The following INPP5A variants were observed in gnomAD, a reference collection of about 807,000 sequenced individuals.
INPP5A encodes 43 kDa inositol polyphosphate 5-phophatase.
INPP5A carries 14 observed loss-of-function variants against 65.2 expected under a neutral mutation model. The ratio of observed to expected loss-of-function variants is 0.21; its 90% CI spans 0.14 to 0.34. The LOEUF (loss-of-function observed/expected upper bound fraction) is 0.34. INPP5A is among the 10% of genes least tolerant of loss of function. The pLI is 1.00. For synonymous variants in INPP5A, 207 were observed against 208.3 expected (o/e 0.99, Z 0.05); for missense variants, 431 against 545.6 (o/e 0.79, Z 2.09).
At chr10:132,660,046 C>T (rs1447101446) in intron 4 of INPP5A, among the ~76,000 whole-genome samples, 1 of 152,202 alleles carries the variant, frequency 6.6e-6, no homozygotes, top group South Asian at 2.1e-4. Context: ...GCTCCGCCGA[C>T]GCGTGGCCCA....
chr10:132,617,135 G>A lies in INPP5A; in HGVS notation c.117+9179G>A, dbSNP rs2072046669. 2.6e-5 allele frequency among the ~76,000 whole-genome samples: 4 copies of A among 152,164 alleles called. No homozygotes were observed. The South Asian group carries it at 8.3e-4, about 31-fold the overall frequency. On this transcript the variant is annotated intron_variant, in intron 2 of 15. Transcript: ENST00000368594. ...CTCAAACACCGCGCCCTGGTTGGTG[G>A]CTGTATTGATTCTTGGTCTCCCAGT...
chr10:132,645,821 C>G, intron 2 of INPP5A, 47 bp from the exon 3 acceptor site: 1 of 1,449,528 alleles, frequency 6.9e-7, no homozygotes, highest in Non-Finnish European at 9.6e-7. Flanking sequence ...ACGTGTGGCT[C>G]TGTGGACGGC....
chr10:132,554,867 T>C (rs73395339), intron 1 of INPP5A, among the ~76,000 whole-genome samples: 4,688 of 126,834 alleles, frequency 0.037, 100 homozygotes, highest in African/African-American at 0.075. Context: ...ATGTGGGTGG[T>C]GTGGTTGGCA....
In INPP5A at chr10:132,782,189, C is replaced by A; in HGVS notation, c.*160C>A. The A allele has an allele frequency of 8.8e-7, 1 of 1,136,582 alleles. No homozygotes were observed. Among genetic ancestry groups the A allele is most frequent in the Non-Finnish European group, 1.3e-6 (1 of 788,902 alleles). 70.4% of individuals were successfully genotyped at this position (1,136,582 alleles called of 1,614,324 possible). A position where few individuals can be genotyped will look rare whatever the true frequency, so the allele number is the denominator to read the frequency against. Reference sequence around the variant, plus strand: ...CTTCGCTTCAGCCTCCGGACCATTCCGGAGCAGCCTCACATACCTCACTGT... The same window carrying A: ...CTTCGCTTCAGCCTCCGGACCATTCAGGAGCAGCCTCACATACCTCACTGT... On this transcript the variant is annotated 3_prime_UTR_variant, in exon 16 of 16. Coordinates refer to ENST00000368594, the MANE Select transcript of INPP5A (RefSeq NM_005539.5). This position sits in a 1 kb window ranked among gnomAD's most constrained non-coding sequence, Gnocchi z 4.4.
At chr10:132,672,718 G>A (rs1225932697) in intron 4 of INPP5A, among the ~76,000 whole-genome samples, 1 of 152,170 alleles carries the variant, frequency 6.6e-6, no homozygotes, top group South Asian at 2.1e-4. Flanking sequence ...TTGGAAAAAC[G>A]TGATTTCTCA....
Position 132,634,393 on chromosome 10 carries a change from A to G in INPP5A, c.118-11475A>G, listed in dbSNP as rs139288554. On this transcript the variant is annotated intron_variant, in intron 2 of 15. Coordinates refer to ENST00000368594, the MANE Select transcript of INPP5A (RefSeq NM_005539.5). ...CTTGGTGGGTGTGCCCCAGAGAGGC[A>G]TGTCATCTCCCTTGGGTGTGCCCCG... Among the ~76,000 whole-genome samples the G allele has an allele frequency of 5.5e-3, 707 of 128,728 alleles. 10 individuals are homozygous for G. The highest frequency in any genetic ancestry group is 0.022 in the Middle Eastern group (4 of 186). 84.5% of individuals were successfully genotyped at this position (128,728 alleles called of 152,430 possible). A position where few individuals can be genotyped will look rare whatever the true frequency, so the allele number is the denominator to read the frequency against.
intron 8 of INPP5A, among the ~76,000 whole-genome samples, chr10:132,710,912 T>C (rs1195393981): frequency 1.3e-5 from 2 of 152,062 alleles, no homozygotes; most frequent in Non-Finnish European, 2.9e-5. Flanking sequence ...TGTTGGCCAC[T>C]GGGAAAGGCT....
chr10:132,579,797 CA>C (rs1185930502), intron 1 of INPP5A, among the ~76,000 whole-genome samples: 2 of 151,972 alleles, frequency 1.3e-5, no homozygotes, highest in African/African-American at 4.8e-5. Flanking sequence ...TTTTAATTCA[CA>C]GGGCCCTATT....
chr10:132,624,039 G>A (rs1427777776), intron 2 of INPP5A, among the ~76,000 whole-genome samples: 4 of 152,110 alleles, frequency 2.6e-5, no homozygotes, highest in Non-Finnish European at 5.9e-5. Flanking sequence ...GAAGACGCAG[G>A]GCCACCGGAA....
intron 4 of INPP5A, among the ~76,000 whole-genome samples, chr10:132,666,559 C>G (rs921173865): frequency 6.6e-6 from 1 of 152,186 alleles, no homozygotes; most frequent in African/African-American, 2.4e-5. Flanking sequence ...CGCACCATCC[C>G]GAGGCTGCCG....
chr10:132,617,549 C>T (rs2072056242), intron 2 of INPP5A, among the ~76,000 whole-genome samples: 1 of 152,170 alleles, frequency 6.6e-6, no homozygotes, highest in African/African-American at 2.4e-5. Context: ...CTCGTGTGGC[C>T]AGTGCAGATC....
At chr10:132,728,295 G>A (rs372897134) in intron 9 of INPP5A, among the ~76,000 whole-genome samples, 3 of 152,228 alleles carry the variant, frequency 2.0e-5, no homozygotes, top group East Asian at 3.9e-4. Flanking sequence ...TTTCCATCCC[G>A]CTGCTGTGCT....
At chr10:132,668,639 T>C (rs946281135) in intron 4 of INPP5A, among the ~76,000 whole-genome samples, 15 of 152,184 alleles carry the variant, frequency 9.9e-5, no homozygotes, top group African/African-American at 3.4e-4. Context: ...AATGTTGATA[T>C]TTCTCCTCAA....
intron 1 of INPP5A, among the ~76,000 whole-genome samples, chr10:132,596,091 T>A (rs114795963): frequency 0.017 from 2,643 of 152,302 alleles, 86 homozygotes; most frequent in African/African-American, 0.06. Flanking sequence ...TATTTTTTAC[T>A]CTCACTTCAG....
chr10:132,658,402 T>G (rs2072687761), intron 4 of INPP5A, among the ~76,000 whole-genome samples: 1 of 152,212 alleles, frequency 6.6e-6, no homozygotes, highest in African/African-American at 2.4e-5. Flanking sequence ...TAAGCCTGCT[T>G]TATTTAGGAC....
At chr10:132,677,510 G>C (rs1419960240) in intron 4 of INPP5A, among the ~76,000 whole-genome samples, 1 of 151,842 alleles carries the variant, frequency 6.6e-6, no homozygotes, top group Non-Finnish European at 1.5e-5. Flanking sequence ...CAGTGTGACA[G>C]AGAGCCCAGT....
rs967772782 is a variant in INPP5A, at chr10:132,555,911, A to G, written c.75+17740A>G. ...GTTTCCCCTTTTCGTAAGAGGATGA[A>G]CAGCCTCTCACCTGCTGGAATTCAC... On this transcript the variant is annotated intron_variant, in intron 1 of 15. Coordinates refer to ENST00000368594, the MANE Select transcript of INPP5A (RefSeq NM_005539.5). This position sits in a 1 kb window ranked among gnomAD's most constrained non-coding sequence, Gnocchi z 4.4. Among the ~76,000 whole-genome samples the G allele has an allele frequency of 6.6e-6, 1 of 152,068 alleles. No individual in the cohort carries two copies. The highest frequency in any genetic ancestry group is 2.4e-5 in the African/African-American group (1 of 41,394).
chr10:132,708,838 C>T lies in INPP5A; in HGVS notation c.527+473C>T, dbSNP rs553691584. The stretch of plus-strand genomic sequence containing the variant: ...TCTGCAGTGAACATGTTCTCGATAG[C>T]GCCGCCCCACCTTTTCTGCATCATA... On this transcript the variant is annotated intron_variant, in intron 7 of 15. Coordinates refer to ENST00000368594, the MANE Select transcript of INPP5A (RefSeq NM_005539.5). Among the ~76,000 whole-genome samples, 4 of 152,308 alleles carry T rather than the reference C, an allele frequency of 2.6e-5. No individual in the cohort carries two copies. In the South Asian group the frequency reaches 6.2e-4, roughly 24 times the overall value.
chr10:132,695,367 G>A (rs1465994588), intron 5 of INPP5A, among the ~76,000 whole-genome samples: 1 of 152,130 alleles, frequency 6.6e-6, no homozygotes, highest in African/African-American at 2.4e-5. Flanking sequence ...ATAAAGAAGA[G>A]CTCCAAAAAT....
Sources: gnomAD v4.1 joint callset for allele counts (sites outside exome capture counted in the v4.1 genomes callset) on GRCh38, gnomAD v4.1.1 for gene constraint, Gnocchi (gnomAD v3.1) non-coding constraint, MANE v1.5 for transcripts, NCBI Gene and HGNC (gene_info 2026-07-23, HGNC 2026-07-21) for gene names.